PHACTR3: variants seen among roughly 807,000 people sequenced by gnomAD.
PHACTR3 encodes protein phosphatase 1, regulatory subunit 123.
Under a neutral mutation model 66.8 loss-of-function variants are expected in PHACTR3, and 16 were observed. The observed-to-expected ratio is 0.24, with a 90% CI of 0.16 to 0.36. The LOEUF is 0.36. Among genes scored for constraint, PHACTR3 ranks in the 10% least tolerant of loss-of-function variants. PHACTR3 has a pLI of 1.00. For missense variants in PHACTR3, 647 were observed against 719.9 expected, an observed-to-expected ratio of 0.90 and a Z score of 1.16; for synonymous variants, 323 against 292.1, an observed-to-expected ratio of 1.11 and a Z score of -1.08.
At chr20:59,623,001 A>AAAAAAAAAAAAAAAAAAAAAAAC (rs1568940633) in intron 1 of PHACTR3, among the ~76,000 whole-genome samples, 1 of 144,896 alleles carries the variant, frequency 6.9e-6, no homozygotes, top group East Asian at 2.0e-4. Context: ...AAAAAAAAAA[A>AAAAAAAAAAAAAAAAAAAAAAAC]CCCAAATCTT....
chr20:59,579,951 G>A (rs2032814163), intron 1 of PHACTR3, among the ~76,000 whole-genome samples: 2 of 152,178 alleles, frequency 1.3e-5, no homozygotes, highest in Admixed American at 1.3e-4. Flanking sequence ...CTTTCCGTGG[G>A]AGAGGGGAGG....
intron 8 of PHACTR3, among the ~76,000 whole-genome samples, chr20:59,813,482 AC>A (rs1452725213): frequency 1.3e-5 from 2 of 151,936 alleles, no homozygotes; most frequent in Non-Finnish European, 2.9e-5. Flanking sequence ...TGGGGTGCTT[AC>A]CCCCCAATTA....
chr20:59,652,732 A>G (rs1256878256), intron 1 of PHACTR3, among the ~76,000 whole-genome samples: 1 of 152,104 alleles, frequency 6.6e-6, no homozygotes, highest in Non-Finnish European at 1.5e-5. Flanking sequence ...GCATTTTTTA[A>G]GATCTGGAAA....
chr20:59,584,816 A>T (rs1238652365), intron 1 of PHACTR3, among the ~76,000 whole-genome samples: 3 of 151,866 alleles, frequency 2.0e-5, no homozygotes, highest in Non-Finnish European at 4.4e-5. Context: ...GAAGCCTCTC[A>T]CCCCCTATTC....
chr20:59,797,154 C>A (rs1234724530), intron 7 of PHACTR3, among the ~76,000 whole-genome samples: 2 of 152,036 alleles, frequency 1.3e-5, no homozygotes, highest in Non-Finnish European at 2.9e-5. Flanking sequence ...TTATTGAATT[C>A]TTCAGCTACA....
In PHACTR3 at chr20:59,826,520, A is replaced by ATGCTGTCCTCACCCTGCCTCTCACACC. The variant is rs1489516481; in HGVS notation, c.1329-9977_1329-9951dup. Among the ~76,000 whole-genome samples the ATGCTGTCCTCACCCTGCCTCTCACACC allele has an allele frequency of 2.4e-3, 365 of 152,250 alleles. 2 individuals carry two copies. The highest frequency in any genetic ancestry group is 0.015 in the South Asian group (70 of 4,814). ...CCTTACACCTGGCATTACAGGGCAC[A>ATGCTGTCCTCACCCTGCCTCTCACACC]TGCTGTCCTCACCCTGCCTCTCACA... On this transcript the variant is annotated intron_variant, in intron 8 of 12. Coordinates refer to ENST00000371015, the MANE Select transcript of PHACTR3 (RefSeq NM_080672.5).
intron 1 of PHACTR3, among the ~76,000 whole-genome samples, chr20:59,708,325 C>T (rs1167367310): frequency 6.6e-6 from 1 of 152,282 alleles, no homozygotes; most frequent in Middle Eastern, 3.4e-3. Context: ...AGCAAAGGGA[C>T]GCTGCTTATG....
intron 6 of PHACTR3, among the ~76,000 whole-genome samples, 175 bp from the exon 7 acceptor site, chr20:59,774,068 A>G (rs762182024): frequency 3.3e-5 from 5 of 152,220 alleles, no homozygotes; most frequent in African/African-American, 4.8e-5. Context: ...GTAAACAGCC[A>G]TTTGCCTTGA....
intron 1 of PHACTR3, among the ~76,000 whole-genome samples, chr20:59,662,720 C>A (rs968499975): frequency 6.6e-6 from 1 of 151,944 alleles, no homozygotes; most frequent in Non-Finnish European, 1.5e-5. Flanking sequence ...GTACAGGGCA[C>A]GGTGGCCGTT....
intron 1 of PHACTR3, among the ~76,000 whole-genome samples, chr20:59,619,167 C>G (rs552159142): frequency 4.6e-5 from 7 of 152,250 alleles, no homozygotes; most frequent in Admixed American, 4.6e-4. Context: ...TGGCAGGAAC[C>G]AGTGACTGTG....
rs562934318 is a variant in PHACTR3, at chr20:59,794,689, T to C, written c.1175-11352T>C. On this transcript the variant is annotated intron_variant, in intron 7 of 12. Transcript: ENST00000371015. The stretch of plus-strand genomic sequence containing the variant: ...TCCTGGACTTTCCTTTGATGGGAGA[T>C]TTTTTAGTACTGACTCAATCTCCTT... Among the ~76,000 whole-genome samples the C allele has an allele frequency of 1.1e-4, 16 of 152,244 alleles. No homozygotes were observed. The South Asian group carries it at 3.3e-3, about 32-fold the overall frequency.
At position 59,604,938 on chromosome 20, in the gene PHACTR3, C is replaced by G; in HGVS notation, c.-77C>G. ...AAAAAGACGCCCCCTCCAGCCCCCT[C>G]GCCGGTGACCTTGGCCGCCTCGGAT... On this transcript the variant is annotated 5_prime_UTR_variant, in exon 1 of 13. Transcript: ENST00000371015. 8.1e-7 allele frequency: 1 copy of G among 1,227,732 alleles called. No homozygotes were observed. Among genetic ancestry groups the G allele is most frequent in the Non-Finnish European group, 1.0e-6 (1 of 984,078 alleles). 76.1% of individuals were successfully genotyped at this position (1,227,732 alleles called of 1,614,324 possible).
chr20:59,643,026 C>G (rs1264596630), intron 1 of PHACTR3, among the ~76,000 whole-genome samples: 5 of 152,184 alleles, frequency 3.3e-5, no homozygotes. Context: ...ATTCTCCTGC[C>G]TCAGCTTCCT....
chr20:59,583,112 C>T (rs530785414), intron 1 of PHACTR3, among the ~76,000 whole-genome samples: 1 of 152,274 alleles, frequency 6.6e-6, no homozygotes, highest in African/African-American at 2.4e-5. Flanking sequence ...CCCTCTGCGT[C>T]TCCTTTTGAG....
At chr20:59,675,860 G>A (rs1007037341) in intron 1 of PHACTR3, among the ~76,000 whole-genome samples, 6 of 152,202 alleles carry the variant, frequency 3.9e-5, no homozygotes, top group Admixed American at 3.9e-4. Flanking sequence ...AACTAAGCCA[G>A]CAGTAGACAT....
At chr20:59,722,225 C>G (rs2038338411) in intron 1 of PHACTR3, among the ~76,000 whole-genome samples, 1 of 147,842 alleles carries the variant, frequency 6.8e-6, no homozygotes, top group East Asian at 2.1e-4. Flanking sequence ...GAGTGAGACT[C>G]TGTCTCAAAA....
chr20:59,675,440 G>C (rs578185434), intron 1 of PHACTR3, among the ~76,000 whole-genome samples: 2 of 152,174 alleles, frequency 1.3e-5, no homozygotes, highest in East Asian at 3.9e-4. Flanking sequence ...GGGGTGTCAG[G>C]GGGCAACTAC....
chr20:59,711,194 T>C (rs770156993), intron 1 of PHACTR3, among the ~76,000 whole-genome samples: 1 of 152,352 alleles, frequency 6.6e-6, no homozygotes, highest in Admixed American at 6.5e-5. Flanking sequence ...CTTGAAATTC[T>C]GTTCTACCTC....
chr20:59,776,752 T>TG (rs2040552659), intron 7 of PHACTR3, among the ~76,000 whole-genome samples: 1 of 152,106 alleles, frequency 6.6e-6, no homozygotes. Context: ...TGTGGCAGCG[T>TG]GGTTGAGCCA....
Sources: gnomAD v4.1 joint callset for allele counts (sites outside exome capture counted in the v4.1 genomes callset) on GRCh38, gnomAD v4.1.1 for gene constraint, MANE v1.5 for transcripts, NCBI Gene and HGNC (gene_info 2026-07-23, HGNC 2026-07-21) for gene names.